MYO1D: variants seen among roughly 807,000 people sequenced by gnomAD.
The protein encoded by MYO1D is unconventional myosin-Id.
In MYO1D, 83 loss-of-function variants were observed where a neutral mutation model predicts 122.0. The ratio of observed to expected loss-of-function variants is 0.68; its 90% CI spans 0.57 to 0.82. MYO1D has a LOEUF of 0.82. Among genes scored for constraint, MYO1D ranks in the 40% least tolerant of loss-of-function variants. The pLI is 0.00. For missense variants in MYO1D, 1,157 were observed against 1,269.5 expected (o/e 0.91, Z 1.35); for synonymous variants, 464 against 446.9 (o/e 1.04, Z -0.48).
chr17:32,818,695 T>C (rs952101941), intron 1 of MYO1D, among the ~76,000 whole-genome samples: 2 of 152,202 alleles, frequency 1.3e-5, no homozygotes, highest in South Asian at 4.1e-4. Flanking sequence ...TATAGCGATC[T>C]TGGGCAAGGG....
At chr17:32,780,554 A>G (rs1330180512) in intron 2 of MYO1D, 22 bp downstream of exon 2, 1 of 1,605,760 alleles carries the variant, frequency 6.2e-7, no homozygotes, top group African/African-American at 1.4e-5. Flanking sequence ...CTTTGGAAAT[A>G]CAGGGGATCC....
intron 21 of MYO1D, among the ~76,000 whole-genome samples, chr17:32,508,040 G>C (rs1032107685): frequency 6.6e-6 from 1 of 152,094 alleles, no homozygotes; most frequent in Non-Finnish European, 1.5e-5. Flanking sequence ...GGGATTACAG[G>C]CATGTGCCAC....
intron 16 of MYO1D, among the ~76,000 whole-genome samples, chr17:32,701,919 G>A (rs2089253270): frequency 6.6e-6 from 1 of 152,184 alleles, no homozygotes; most frequent in African/African-American, 2.4e-5. Flanking sequence ...TAGCATGTCT[G>A]CATGTTCAAA....
chr17:32,798,090 A>G (rs968868451), intron 1 of MYO1D, among the ~76,000 whole-genome samples: 2 of 152,238 alleles, frequency 1.3e-5, no homozygotes, highest in African/African-American at 4.8e-5. Flanking sequence ...AAGGAGATCT[A>G]CTTCTACTAC....
intron 20 of MYO1D, among the ~76,000 whole-genome samples, chr17:32,636,655 C>T (rs989946733): frequency 1.3e-5 from 2 of 152,220 alleles, no homozygotes; most frequent in Non-Finnish European, 1.5e-5. Context: ...GGAGAGAAGG[C>T]AGCCACCACT....
chr17:32,719,073 C>T (rs921134771), intron 15 of MYO1D, among the ~76,000 whole-genome samples: 4 of 152,204 alleles, frequency 2.6e-5, no homozygotes, highest in Admixed American at 2.6e-4. Context: ...TCCTGTTCCA[C>T]ATCCTGTTCC....
At chr17:32,612,749 T>A (rs8065220) in intron 20 of MYO1D, among the ~76,000 whole-genome samples, 45,511 of 148,900 alleles carry the variant, frequency 0.31, 7,235 homozygotes, top group South Asian at 0.36. Context: ...ACTTTTGTAA[T>A]TGTAATTTCA....
chr17:32,712,101 C>T lies in MYO1D; in HGVS notation c.2008G>A (p.Asp670Asn). ...KKLIERCGFQ[D>N]DVAYGKTKIF... ...TTGGTCTTCCCATAAGCTACATCAT[C>T]CTGAAAACCACACCGTTCAATTAGT... is the stretch of plus-strand genomic sequence containing the variant. Residue 670 changes from aspartate (D) to asparagine (N), a missense_variant, in exon 16 of 22, where the codon GAT becomes AAT. Physicochemically the swap from Asp to Asn is conservative, Grantham distance 23 (BLOSUM62 1). Coordinates refer to ENST00000318217, the MANE Select transcript of MYO1D (RefSeq NM_015194.3). 2 of 1,614,070 alleles carry T rather than the reference C, an allele frequency of 1.2e-6. No individual in the cohort carries two copies. Among genetic ancestry groups the T allele is most frequent in the Non-Finnish European group, 1.7e-6 (2 of 1,179,988 alleles).
chr17:32,560,080 C>T (rs1053306310), intron 21 of MYO1D, among the ~76,000 whole-genome samples: 6 of 151,782 alleles, frequency 4.0e-5, no homozygotes, highest in African/African-American at 1.2e-4. Flanking sequence ...CATGGTGAAA[C>T]CCCCATCTCT....
chr17:32,643,577 T>C (rs1292342641), intron 19 of MYO1D, among the ~76,000 whole-genome samples: 2 of 151,344 alleles, frequency 1.3e-5, no homozygotes, highest in East Asian at 3.9e-4. Context: ...GTTGGTAAGC[T>C]ATTATTGCCT....
chr17:32,766,778 C>A (rs538609691), intron 7 of MYO1D, among the ~76,000 whole-genome samples: 6 of 151,028 alleles, frequency 4.0e-5, no homozygotes, highest in Admixed American at 1.3e-4. Flanking sequence ...GGTGACAGAG[C>A]GAGATTCCAT....
chr17:32,496,590 C>T (rs953749359), intron 21 of MYO1D, among the ~76,000 whole-genome samples: 2 of 152,206 alleles, frequency 1.3e-5, no homozygotes, highest in Non-Finnish European at 2.9e-5. Flanking sequence ...GCCCCTGCAG[C>T]CCTCGTGCTG....
chr17:32,494,954 C>T, intron 21 of MYO1D, 39 bp from the exon 22 acceptor site: 1 of 1,561,018 alleles, frequency 6.4e-7, no homozygotes. Flanking sequence ...AGTTAGCAGG[C>T]AGCATGAGAA....
intron 14 of MYO1D, among the ~76,000 whole-genome samples, chr17:32,729,522 T>TA (rs200974106): frequency 0.012 from 1,766 of 152,016 alleles, 14 homozygotes; most frequent in Non-Finnish European, 0.017. Flanking sequence ...ATGAAGTTAC[T>TA]AAAAAAAAGT....
At chr17:32,834,250 G>A (rs1207278643) in intron 1 of MYO1D, among the ~76,000 whole-genome samples, 1 of 152,104 alleles carries the variant, frequency 6.6e-6, no homozygotes, top group Non-Finnish European at 1.5e-5. Flanking sequence ...GAACACTTTG[G>A]GAGGGATAAC....
At chr17:32,765,615 C>T (rs1438066510) in intron 7 of MYO1D, among the ~76,000 whole-genome samples, 2 of 152,036 alleles carry the variant, frequency 1.3e-5, no homozygotes, top group African/African-American at 2.4e-5. Flanking sequence ...CCTGACACCA[C>T]GCCCAGCTAA....
At chr17:32,621,994 ATTCCTGTTGTTTAAGCCACTC>A (rs951790192) in intron 20 of MYO1D, among the ~76,000 whole-genome samples, 4 of 152,088 alleles carry the variant, frequency 2.6e-5, no homozygotes, top group Non-Finnish European at 5.9e-5. Flanking sequence ...TGGGAAATAG[ATTCCTGTTGTTTAAGCCACTC>A]GGTCTGTGGT....
At chr17:32,765,805 G>T (rs2090050267) in intron 7 of MYO1D, among the ~76,000 whole-genome samples, 1 of 152,004 alleles carries the variant, frequency 6.6e-6, no homozygotes, top group Admixed American at 6.6e-5. Flanking sequence ...TTGGTACATG[G>T]TATCAAGTAA....
At chr17:32,746,201 A>G (rs1042830307) in intron 12 of MYO1D, among the ~76,000 whole-genome samples, 5 of 152,170 alleles carry the variant, frequency 3.3e-5, no homozygotes, top group Non-Finnish European at 7.3e-5. Context: ...ACCATACCCA[A>G]AATTATTTCC....
Sources: gnomAD v4.1 joint callset for allele counts (sites outside exome capture counted in the v4.1 genomes callset) on GRCh38, gnomAD v4.1.1 for gene constraint, MANE v1.5 for transcripts, NCBI Gene and HGNC (gene_info 2026-07-23, HGNC 2026-07-21) for gene names.